The following ALOX5AP variants were observed in gnomAD, a reference collection of about 807,000 sequenced individuals.
ALOX5AP encodes the protein arachidonate 5-lipoxygenase activating protein.
A neutral mutation model predicts 18.5 loss-of-function variants in ALOX5AP; 9 were observed. That is an observed-to-expected ratio of 0.49 (90% confidence interval 0.29 to 0.85). The LOEUF (loss-of-function observed/expected upper bound fraction) is 0.85, where lower values mean the gene tolerates loss of function less well. Ranked by LOEUF, ALOX5AP falls within the 40% of genes least tolerant of loss-of-function variation. The probability of loss-of-function intolerance (pLI) is 0.08; values close to 1 mark genes in which losing one functional copy is unlikely to be tolerated. For missense variants in ALOX5AP, 172 were observed against 202.5 expected (o/e 0.85, Z 0.91); for synonymous variants, 81 against 78.6 (o/e 1.03, Z -0.16).
At chr13:30,746,861 G>C (rs1379994231) in intron 2 of ALOX5AP, among the ~76,000 whole-genome samples, 1 of 152,124 alleles carries the variant, frequency 6.6e-6, no homozygotes, top group Non-Finnish European at 1.5e-5. Flanking sequence ...TGGTTCATGG[G>C]GTGTGGGATC....
intron 4 of ALOX5AP, among the ~76,000 whole-genome samples, chr13:30,757,572 T>A (rs1355656427): frequency 5.9e-5 from 9 of 152,134 alleles, no homozygotes; most frequent in Non-Finnish European, 1.5e-5. Context: ...TGTCTAGCAA[T>A]GAAATAAGAG....
At position 30,756,795 on chromosome 13, in the gene ALOX5AP, A is replaced by G. The variant is rs556084025; in HGVS notation, c.323+770A>G. On this transcript the variant is annotated intron_variant, in intron 4 of 4. Coordinates refer to ENST00000380490, the MANE Select transcript of ALOX5AP (RefSeq NM_001629.4). ...GCCACTGCACTCCAGCCTGGGCAAC[A>G]AAAGCAAAACTCCATCTCAAAAAAA... Among the ~76,000 whole-genome samples, 302 of 145,906 alleles carry G rather than the reference A, an allele frequency of 2.1e-3. 2 individuals are homozygous for G. Among genetic ancestry groups the G allele is most frequent in the African/African-American group, 7.1e-3 (279 of 39,344 alleles).
At position 30,723,399 on chromosome 13, in the gene ALOX5AP, A is replaced by G. The variant is rs189093934; in HGVS notation, c.116+9558A>G. Among the ~76,000 whole-genome samples, 6 of 152,330 alleles carry G rather than the reference A, an allele frequency of 3.9e-5. No individual in the cohort carries two copies. In the East Asian group the frequency reaches 1.2e-3, roughly 29 times the overall value. On this transcript the variant is annotated intron_variant, in intron 1 of 5. Coordinates refer to the ALOX5AP transcript ENST00000617770. Reference sequence around the variant, plus strand: ...TATTGCTTTTTCTCCTTTGTCATAGATATCTGGTCACCTTACCTTAGAGTC... The same window carrying G: ...TATTGCTTTTTCTCCTTTGTCATAGGTATCTGGTCACCTTACCTTAGAGTC...
intron 1 of ALOX5AP, among the ~76,000 whole-genome samples, chr13:30,736,317 C>T (rs933447057): frequency 2.0e-5 from 3 of 151,792 alleles, no homozygotes; most frequent in African/African-American, 4.8e-5. Flanking sequence ...TCCTGTTCAG[C>T]GTTTGCATTT....
intron 1 of ALOX5AP, among the ~76,000 whole-genome samples, chr13:30,736,975 G>T (rs9315043): frequency 6.6e-6 from 1 of 152,080 alleles, no homozygotes; most frequent in African/African-American, 2.4e-5. Flanking sequence ...GGGTACAGGC[G>T]GATAGAGCAG....
At chr13:30,733,509 A>G (rs146225734), upstream of ALOX5AP, among the ~76,000 whole-genome samples, 6 of 152,364 alleles carry the variant, frequency 3.9e-5, no homozygotes, top group Admixed American at 6.5e-5. Context: ...ACTAAGGTGA[A>G]TATACAAATC....
intron 1 of ALOX5AP, among the ~76,000 whole-genome samples, chr13:30,720,042 A>C (rs1161819437): frequency 2.0e-5 from 3 of 152,106 alleles, no homozygotes; most frequent in Middle Eastern, 3.2e-3. Flanking sequence ...TCGTATTTTT[A>C]GTAGAGACGG....
chr13:30,734,479 G>T (rs1047581335), upstream of ALOX5AP, among the ~76,000 whole-genome samples: 1 of 152,190 alleles, frequency 6.6e-6, no homozygotes, highest in African/African-American at 2.4e-5. Context: ...AAATAGCTAA[G>T]TCTGGGACAA....
At chr13:30,752,495 G>A (rs1488921657) in intron 3 of ALOX5AP, among the ~76,000 whole-genome samples, 2 of 152,188 alleles carry the variant, frequency 1.3e-5, no homozygotes, top group African/African-American at 4.8e-5. Flanking sequence ...CTGCTAATAA[G>A]CTTCCAGTGT....
At chr13:30,717,515 A>G (rs1951559086) in intron 1 of ALOX5AP, among the ~76,000 whole-genome samples, 1 of 152,144 alleles carries the variant, frequency 6.6e-6, no homozygotes, top group Non-Finnish European at 1.5e-5. Context: ...TGAGGTTCCA[A>G]CCACTCCGCT....
At chr13:30,756,730 T>C (rs564541590) in intron 4 of ALOX5AP, among the ~76,000 whole-genome samples, 167 of 146,734 alleles carry the variant, frequency 1.1e-3, no homozygotes, top group Middle Eastern at 7.4e-3. Flanking sequence ...GGAGAATCGC[T>C]TGAACCCAGG....
chr13:30,757,255 C>A (rs17239228), intron 4 of ALOX5AP, among the ~76,000 whole-genome samples: 11,700 of 152,088 alleles, frequency 0.077, 692 homozygotes, highest in African/African-American at 0.16. Context: ...GGGAGGTCAG[C>A]GGGTGAAAGC....
intron 1 of ALOX5AP, among the ~76,000 whole-genome samples, chr13:30,742,826 T>C (rs1484859388): frequency 6.6e-6 from 1 of 151,174 alleles, no homozygotes; most frequent in Non-Finnish European, 1.5e-5. Flanking sequence ...AGGAATAAAA[T>C]AGAAGGGGAG....
At chr13:30,724,413 C>T (rs1465289895) in intron 1 of ALOX5AP, among the ~76,000 whole-genome samples, 1 of 152,170 alleles carries the variant, frequency 6.6e-6, no homozygotes, top group African/African-American at 2.4e-5. Context: ...AATGAGACCC[C>T]AGAACAATGA....
At chr13:30,740,268 C>T (rs907535465) in intron 1 of ALOX5AP, among the ~76,000 whole-genome samples, 1 of 152,220 alleles carries the variant, frequency 6.6e-6, no homozygotes, top group African/African-American at 2.4e-5. Context: ...ACTAAAATCT[C>T]AAGATCTCTT....
chr13:30,718,995 A>G (rs565496021), intron 1 of ALOX5AP, among the ~76,000 whole-genome samples: 26 of 152,280 alleles, frequency 1.7e-4, no homozygotes, highest in African/African-American at 6.0e-4. Context: ...TCTGCCATCA[A>G]GTTGCTACTT....
At chr13:30,757,995 C>G (rs1444674404) in intron 4 of ALOX5AP, among the ~76,000 whole-genome samples, 2 of 152,088 alleles carry the variant, frequency 1.3e-5, no homozygotes, top group Non-Finnish European at 1.5e-5. Context: ...GGTTCTAGAC[C>G]CCCTTCTCCT....
chr13:30,754,576 A>G (rs1400818882), intron 3 of ALOX5AP, among the ~76,000 whole-genome samples: 1 of 152,218 alleles, frequency 6.6e-6, no homozygotes, highest in East Asian at 1.9e-4. Flanking sequence ...GACCTACAAA[A>G]ATAGCATTTC....
At chr13:30,751,476 T>C (rs1055213883) in intron 2 of ALOX5AP, among the ~76,000 whole-genome samples, 2 of 152,074 alleles carry the variant, frequency 1.3e-5, no homozygotes, top group South Asian at 2.1e-4. Flanking sequence ...CACGGTAGAG[T>C]GAGAACTCTC....
Sources: gnomAD v4.1 joint callset for allele counts (sites outside exome capture counted in the v4.1 genomes callset) on GRCh38, gnomAD v4.1.1 for gene constraint, MANE v1.5 for transcripts, NCBI Gene and HGNC (gene_info 2026-07-23, HGNC 2026-07-21) for gene names.